Variants in NFIB observed in about 807,000 individuals in gnomAD.
The protein encoded by NFIB is nuclear factor 1 B-type.
A neutral mutation model predicts 61.5 loss-of-function variants in NFIB; 11 were observed. The ratio of observed to expected loss-of-function variants is 0.18; its 90% CI spans 0.11 to 0.30. The LOEUF is 0.30. NFIB is among the 10% of genes least tolerant of loss of function. The pLI is 1.00. For missense variants in NFIB, 471 were observed against 608.9 expected (o/e 0.77, Z 2.38); for synonymous variants, 260 against 216.5 (o/e 1.20, Z -1.76).
At chr9:14,186,194 A>G (rs1308775900) in intron 2 of NFIB, among the ~76,000 whole-genome samples, 1 of 152,196 alleles carries the variant, frequency 6.6e-6, no homozygotes, top group Non-Finnish European at 1.5e-5. Flanking sequence ...CCATAACAAT[A>G]TAGCTTTTAT....
rs1465008195 is a variant in NFIB at position 14,083,702 on chromosome 9, A to C, written c.*4607T>G. On this transcript the variant is annotated 3_prime_UTR_variant, in exon 11 of 11. Transcript: ENST00000380953. ...AACTTTCTGCAGCCTTCATCATTTCACACAGTACATAGAATTTGAATCTAG... is the reference window on the plus strand; with the variant it reads ...AACTTTCTGCAGCCTTCATCATTTCCCACAGTACATAGAATTTGAATCTAG... 1.3e-5 allele frequency: 3 copies of C among 224,456 alleles called. No individual in the cohort carries two copies. The highest frequency in any genetic ancestry group is 4.5e-5 in the African/African-American group (2 of 44,794). 13.9% of individuals were successfully genotyped at this position (224,456 alleles called of 1,614,324 possible).
chr9:14,338,786 A>C (rs2060915384), intron 1 of NFIB, among the ~76,000 whole-genome samples: 1 of 149,756 alleles, frequency 6.7e-6, no homozygotes, highest in African/African-American at 2.5e-5. Context: ...TTATGTTATT[A>C]CTTTTTTCCT....
the NFIB span, among the ~76,000 whole-genome samples, chr9:14,460,894 C>T: frequency 1.6e-3 from 242 of 152,148 alleles, no homozygotes; most frequent in Non-Finnish European, 2.7e-3. Flanking sequence ...ACTCCTTTCC[C>T]TATCTTGTTC....
chr9:14,162,989 G>T (rs2044369582), intron 3 of NFIB, among the ~76,000 whole-genome samples: 1 of 151,886 alleles, frequency 6.6e-6, no homozygotes, highest in East Asian at 1.9e-4. Flanking sequence ...AGGCAGCCCT[G>T]GGGCAAGACT....
At chr9:14,263,168 T>A (rs940610631) in intron 2 of NFIB, among the ~76,000 whole-genome samples, 5 of 152,186 alleles carry the variant, frequency 3.3e-5, no homozygotes, top group African/African-American at 7.2e-5. Flanking sequence ...ATAACATGAT[T>A]TTGTTATTTG....
intron 1 of NFIB, among the ~76,000 whole-genome samples, chr9:14,355,653 G>C (rs1317674451): frequency 6.6e-6 from 1 of 152,116 alleles, no homozygotes; most frequent in African/African-American, 2.4e-5. Flanking sequence ...GCCCCACGTT[G>C]GCTTAAATAC....
At chr9:14,372,701 A>ATG (rs748544042) in intron 1 of NFIB, among the ~76,000 whole-genome samples, 6 of 152,162 alleles carry the variant, frequency 3.9e-5, no homozygotes, top group Non-Finnish European at 7.3e-5. Flanking sequence ...CTGTTATAAC[A>ATG]TGTGGTCCAG....
chr9:14,126,960 T>C (rs2039732461), intron 6 of NFIB, among the ~76,000 whole-genome samples: 1 of 152,148 alleles, frequency 6.6e-6, no homozygotes, highest in Middle Eastern at 3.2e-3. Flanking sequence ...GCTTAAAATC[T>C]AGTGAGGCGA....
chr9:14,492,617 A>G, the NFIB span, among the ~76,000 whole-genome samples: 1,805 of 152,108 alleles, frequency 0.012, 33 homozygotes, highest in African/African-American at 0.042. Flanking sequence ...AAATGACCGG[A>G]TCTCACGGGA....
intron 1 of NFIB, among the ~76,000 whole-genome samples, chr9:14,371,186 C>T (rs770285382): frequency 1.3e-5 from 2 of 152,152 alleles, no homozygotes; most frequent in Non-Finnish European, 2.9e-5. Context: ...AGAGGACCAA[C>T]CTTTTCTTAT....
At chr9:14,424,596 C>T in the NFIB span, among the ~76,000 whole-genome samples, 4 of 152,176 alleles carry the variant, frequency 2.6e-5, no homozygotes, top group Admixed American at 6.5e-5. Flanking sequence ...TCAAAAGTGA[C>T]AGCCTCTTTG....
At chr9:14,371,120 AACAAACAAAC>A (rs1490865911) in intron 1 of NFIB, among the ~76,000 whole-genome samples, 1 of 97,214 alleles carries the variant, frequency 1.0e-5, no homozygotes, top group Non-Finnish European at 2.7e-5. Flanking sequence ...AAACAAAACA[AACAAACAAAC>A]AAACAAACAA....
At chr9:14,322,678 G>A (rs1278450656) in intron 1 of NFIB, among the ~76,000 whole-genome samples, 1 of 152,116 alleles carries the variant, frequency 6.6e-6, no homozygotes, top group African/African-American at 2.4e-5. Flanking sequence ...GGAGCCGGGG[G>A]CGGGCGCGCC....
At chr9:14,125,189 A>G (rs7862890) in intron 7 of NFIB, among the ~76,000 whole-genome samples, 74,381 of 152,098 alleles carry the variant, frequency 0.49, 20,438 homozygotes, top group African/African-American at 0.72. Flanking sequence ...ATGGAGTCTC[A>G]CTCTGTCGCC....
Position 14,087,357 on chromosome 9 carries a change from T to C in NFIB, c.*952A>G, listed in dbSNP as rs1249360614. The C allele has an allele frequency of 4.8e-6, 1 of 207,236 alleles. No homozygotes were observed. The highest frequency in any genetic ancestry group is 9.9e-6 in the Non-Finnish European group (1 of 101,356). The allele number at this position is 207,236 out of a possible 1,614,324, so 12.8% of individuals were successfully genotyped here. A position where few individuals can be genotyped will look rare whatever the true frequency, so the allele number is the denominator to read the frequency against. On this transcript the variant is annotated 3_prime_UTR_variant, in exon 11 of 11. Transcript: ENST00000380953. The stretch of plus-strand genomic sequence containing the variant: ...CAAAATTATTTTAAATTCTTTTTAA[T>C]CCCCTCAATTTAGAGTCCAAGGGCT...
chr9:14,158,110 C>CA (rs372875773), intron 3 of NFIB, among the ~76,000 whole-genome samples: 4,302 of 63,860 alleles, frequency 0.067, 99 homozygotes, highest in East Asian at 0.13. Context: ...GACTCCATCT[C>CA]AAAAAAAAAA....
intron 2 of NFIB, among the ~76,000 whole-genome samples, chr9:14,270,839 A>G (rs1033615126): frequency 2.6e-5 from 4 of 152,148 alleles, no homozygotes; most frequent in Admixed American, 1.3e-4. Flanking sequence ...AGCAGAACCT[A>G]TGAGTTCTGG....
At chr9:14,438,175 G>A in the NFIB span, among the ~76,000 whole-genome samples, 2 of 152,106 alleles carry the variant, frequency 1.3e-5, no homozygotes, top group Non-Finnish European at 2.9e-5. Context: ...AGGGTACCAA[G>A]GATTGCTCAT....
chr9:14,459,505 A>T, the NFIB span, among the ~76,000 whole-genome samples: 1 of 152,218 alleles, frequency 6.6e-6, no homozygotes. Context: ...ACAAAAGCCA[A>T]AATTGACAAA....
Sources: allele counts gnomAD v4.1 joint callset (sites outside exome capture counted in the v4.1 genomes callset), GRCh38; gene constraint gnomAD v4.1.1; transcripts MANE v1.5; gene names NCBI Gene and HGNC (gene_info 2026-07-23, HGNC 2026-07-21).